Variants in NFIC observed in about 807,000 individuals in gnomAD.
NFIC encodes nuclear factor I C.
NFIC carries 12 observed loss-of-function variants against 54.4 expected under a neutral mutation model. The ratio of observed to expected loss-of-function variants is 0.22; its 90% CI spans 0.14 to 0.36. The LOEUF (loss-of-function observed/expected upper bound fraction) is 0.36, where lower values mean the gene tolerates loss of function less well. NFIC is among the 10% of genes least tolerant of loss of function. The pLI, the probability that NFIC is intolerant of heterozygous loss-of-function variation, is 1.00. For synonymous variants in NFIC, 322 were observed against 319.2 expected, an observed-to-expected ratio of 1.01 and a Z score of -0.09; for missense variants, 575 against 718.2, an observed-to-expected ratio of 0.80 and a Z score of 2.28.
chr19:3,459,363 G>T lies in NFIC; in HGVS notation c.1509+2728G>T. ...CAATCCCCCCACTGTGAGGCTGGGT[G>T]GCTCTGACGCCCTGGCCCCTCCCCT... On this transcript the variant is annotated intron_variant, in intron 10 of 10. Coordinates refer to ENST00000443272, the MANE Select transcript of NFIC (RefSeq NM_001245002.2). This position sits in a 1 kb window ranked among gnomAD's most constrained non-coding sequence, Gnocchi z 4.2. Among the ~76,000 whole-genome samples, 1 of 152,014 alleles carries T rather than the reference G, an allele frequency of 6.6e-6. No homozygotes were observed. The highest frequency in any genetic ancestry group is 1.5e-5 in the Non-Finnish European group (1 of 67,986).
At chr19:3,437,955 C>T (rs1389584739) in intron 6 of NFIC, among the ~76,000 whole-genome samples, 1 of 152,130 alleles carries the variant, frequency 6.6e-6, no homozygotes, top group Non-Finnish European at 1.5e-5. Flanking sequence ...CTCAGCCTCC[C>T]AAAGTGCTGG....
At chr19:3,415,130 G>T (rs1028393358) in intron 2 of NFIC, among the ~76,000 whole-genome samples, 20 of 151,138 alleles carry the variant, frequency 1.3e-4, no homozygotes, top group African/African-American at 4.6e-4. Context: ...GTGAGCCACC[G>T]TGCCCTGCCA....
chr19:3,429,000 G>A (rs2082071249), intron 3 of NFIC, among the ~76,000 whole-genome samples: 1 of 151,578 alleles, frequency 6.6e-6, no homozygotes, highest in East Asian at 1.9e-4. Context: ...GACTGTAACA[G>A]GGGGCCGGGT....
rs2082508539 is a variant in NFIC, at chr19:3,453,860, C to T, written c.1367C>T (p.Pro456Leu). 6.4e-7 allele frequency: 1 copy of T among 1,570,040 alleles called. No individual in the cohort carries two copies. Among genetic ancestry groups the T allele is most frequent in the African/African-American group, 1.4e-5 (1 of 73,078 alleles). ...PPGLPRLALP[P>L]ATKPATTSEG... is the part of the protein sequence containing the mutation. ...GGGCTGCCACGGCTGGCGCTCCCCCCTGCCACCAAACCCGCCACCACCTCC... is the reference window on the plus strand; with the variant it reads ...GGGCTGCCACGGCTGGCGCTCCCCCTTGCCACCAAACCCGCCACCACCTCC... The change falls in exon 9 of 11, where the codon CCT becomes CTT. Residue 456 changes from proline (P) to leucine (L), a missense_variant. Around this residue, in one of 3 missense-constraint regions of NFIC, gnomAD observed 447 missense variants for 526.9 expected, o/e 0.85. Transcript: ENST00000443272. The surrounding 1 kb of genome is among the most constrained non-coding windows in gnomAD (Gnocchi z 6.7).
intron 7 of NFIC, among the ~76,000 whole-genome samples, chr19:3,449,409 G>T (rs767145545): frequency 1.3e-5 from 2 of 150,030 alleles, no homozygotes; most frequent in African/African-American, 4.9e-5. Context: ...CCTCACCCCC[G>T]TCTCAATCTA....
Position 3,468,396 on chromosome 19 carries a change from C to G in NFIC, c.*5627C>G, listed in dbSNP as rs1002099845. The G allele has an allele frequency of 2.0e-5, 3 of 152,226 alleles. No individual in the cohort carries two copies. The highest frequency in any genetic ancestry group is 4.4e-5 in the Non-Finnish European group (3 of 68,114). The allele number at this position is 152,226 out of a possible 1,614,324, so 9.4% of individuals were successfully genotyped here. A position where few individuals can be genotyped will look rare whatever the true frequency, so the allele number is the denominator to read the frequency against. On this transcript the variant is annotated 3_prime_UTR_variant, in exon 11 of 11. Coordinates refer to ENST00000443272, the MANE Select transcript of NFIC (RefSeq NM_001245002.2). Reference sequence around the variant, plus strand: ...GGCTGCCCCGGCCCCTCAACTGCATCCACACCCCATCCTCTCATCTTGGGT... The same window carrying G: ...GGCTGCCCCGGCCCCTCAACTGCATGCACACCCCATCCTCTCATCTTGGGT...
rs1224760288 is a variant in NFIC, at chr19:3,375,076, C to A, written c.31-6636C>A. On this transcript the variant is annotated intron_variant, in intron 1 of 10. Coordinates refer to ENST00000443272, the MANE Select transcript of NFIC (RefSeq NM_001245002.2). The surrounding 1 kb of genome is among the most constrained non-coding windows in gnomAD (Gnocchi z 4.6). ...GAAGGGAACTCAGATCTACGAGGGG[C>A]CAGATGAGAAAAGGAATTAAGAGGA... 6.9e-6 allele frequency among the ~76,000 whole-genome samples: 1 copy of A among 145,010 alleles called. No individual in the cohort carries two copies. Among genetic ancestry groups the A allele is most frequent in the Non-Finnish European group, 1.5e-5 (1 of 67,274 alleles).
chr19:3,362,664 C>T (rs2080825698), upstream of NFIC, among the ~76,000 whole-genome samples: 4 of 151,988 alleles, frequency 2.6e-5, no homozygotes, highest in Admixed American at 2.6e-4. Context: ...CCTCAACGGC[C>T]TATCTGACCT....
upstream of NFIC, among the ~76,000 whole-genome samples, chr19:3,362,369 TGGGA>T (rs1333256733): frequency 6.6e-6 from 1 of 151,632 alleles, no homozygotes; most frequent in Admixed American, 6.6e-5. Flanking sequence ...TGTGGGGAGT[TGGGA>T]GGGTGTGTTT....
intron 1 of NFIC, among the ~76,000 whole-genome samples, chr19:3,366,951 G>C (rs1215849146): frequency 6.8e-6 from 1 of 147,120 alleles, no homozygotes; most frequent in African/African-American, 2.6e-5. Flanking sequence ...TTGGTCTGCA[G>C]ATTTGCGTCC....
chr19:3,365,479 C>G (rs570318350), upstream of NFIC, among the ~76,000 whole-genome samples: 2 of 152,232 alleles, frequency 1.3e-5, no homozygotes, highest in Admixed American at 6.5e-5. Flanking sequence ...AGGGAGTGAA[C>G]CGGGGGAGGG....
At chr19:3,406,413 A>G (rs1489753827) in intron 2 of NFIC, among the ~76,000 whole-genome samples, 48 of 124,790 alleles carry the variant, frequency 3.8e-4, no homozygotes, top group African/African-American at 1.5e-3. Flanking sequence ...TTTTTTGTAG[A>G]AATAGGGTCT....
intron 1 of NFIC, among the ~76,000 whole-genome samples, chr19:3,366,997 C>CCGA (rs2080902096): frequency 6.6e-6 from 1 of 151,806 alleles, no homozygotes; most frequent in Non-Finnish European, 1.5e-5. Flanking sequence ...CACCCCCGCC[C>CCGA]CGACACTCGG....
chr19:3,385,786 G>A (rs142564255), intron 2 of NFIC, among the ~76,000 whole-genome samples: 149 of 152,028 alleles, frequency 9.8e-4, no homozygotes, highest in Middle Eastern at 3.4e-3. Flanking sequence ...TGGCCAGGCT[G>A]GTCTCCAGCT....
chr19:3,395,899 T>C (rs56303476), intron 2 of NFIC, among the ~76,000 whole-genome samples: 62,392 of 151,920 alleles, frequency 0.41, 15,434 homozygotes, highest in Non-Finnish European at 0.56. Context: ...AGGCTGGTCT[T>C]GAACTCCTGA....
At chr19:3,419,034 G>C (rs2081911760) in intron 2 of NFIC, among the ~76,000 whole-genome samples, 1 of 152,068 alleles carries the variant, frequency 6.6e-6, no homozygotes, top group Admixed American at 6.6e-5. Context: ...GATTCATAGA[G>C]ACAGAAAGTA....
intron 6 of NFIC, among the ~76,000 whole-genome samples, chr19:3,445,539 C>T (rs996461229): frequency 1.3e-5 from 2 of 152,204 alleles, no homozygotes; most frequent in African/African-American, 2.4e-5. Context: ...TCCCGGGTCC[C>T]TGGGAACTGC....
In NFIC at chr19:3,463,276, C is replaced by A; in HGVS notation, c.*507C>A. 1 of 990,074 alleles carries A rather than the reference C, an allele frequency of 1.0e-6. No homozygotes were observed. Among genetic ancestry groups the A allele is most frequent in the Non-Finnish European group, 1.2e-6 (1 of 833,410 alleles). 61.3% of individuals were successfully genotyped at this position (990,074 alleles called of 1,614,324 possible). On this transcript the variant is annotated 3_prime_UTR_variant, in exon 11 of 11. Coordinates refer to ENST00000443272, the MANE Select transcript of NFIC (RefSeq NM_001245002.2). ...AGCAAGGCCACCTCTCCCCGGGCCC[C>A]CGCGCCTCTGCCGGACACGGACCGG...
At position 3,380,309 on chromosome 19, in the gene NFIC, CTTTT is replaced by C. The variant is rs529220524; in HGVS notation, c.31-1381_31-1378del. Among the ~76,000 whole-genome samples the C allele has an allele frequency of 8.9e-3, 580 of 65,112 alleles. 3 individuals are homozygous for C. The highest frequency in any genetic ancestry group is 0.038 in the African/African-American group (543 of 14,152). The allele number at this position is 65,112 out of a possible 152,430, so 42.7% of individuals were successfully genotyped here. On this transcript the variant is annotated intron_variant, in intron 1 of 10. Coordinates refer to ENST00000443272, the MANE Select transcript of NFIC (RefSeq NM_001245002.2). ...GTGAGCCACCGTGCCCAGCCTTGTT[CTTTT>C]TTTTTTTTTTTTTTTTTTTTTGAGA...
Sources: gnomAD v4.1 joint callset for allele counts (sites outside exome capture counted in the v4.1 genomes callset) on GRCh38, gnomAD v4.1.1 for gene constraint, gnomAD v4.1.1 regional missense constraint, Gnocchi (gnomAD v3.1) non-coding constraint, MANE v1.5 for transcripts, NCBI Gene and HGNC (gene_info 2026-07-23, HGNC 2026-07-21) for gene names.